The following LANCL2 variants were observed in gnomAD, a reference collection of about 807,000 sequenced individuals.
LANCL2 encodes LanC like glutathione S-transferase 2.
A neutral mutation model predicts 56.9 loss-of-function variants in LANCL2; 33 were observed. That is an observed-to-expected ratio of 0.58 (90% CI 0.44 to 0.78). LANCL2 has a LOEUF of 0.78. Ranked by LOEUF, LANCL2 falls within the 30% of genes least tolerant of loss-of-function variation. The pLI, the probability that LANCL2 is intolerant of heterozygous loss-of-function variation, is 0.00. For synonymous variants in LANCL2, 233 were observed against 228.2 expected (o/e 1.02, Z -0.19); for missense variants, 562 against 580.2 (o/e 0.97, Z 0.32).
rs181838103 is a variant in LANCL2, at chr7:55,373,386, G to C, written c.204+7157G>C. 3.9e-3 allele frequency among the ~76,000 whole-genome samples: 591 copies of C among 151,944 alleles called. 7 individuals are homozygous for C. The highest frequency in any genetic ancestry group is 0.012 in the African/African-American group (515 of 41,418). ...GCTCACTGCAGCCTTGACCTCCCAG[G>C]CTCAAGAGATCCTCCCACCTCAGCC... On this transcript the variant is annotated intron_variant, in intron 1 of 8. Coordinates refer to ENST00000254770, the MANE Select transcript of LANCL2 (RefSeq NM_018697.4).
In LANCL2 at chr7:55,365,966, G is replaced by GCGAGCTGCAGCGCCGGGA; in HGVS notation, c.-58_-41dup. On this transcript the variant is annotated 5_prime_UTR_variant, in exon 1 of 9. Transcript: ENST00000254770. ...GGCCCTCGGAGGAGGCGGCGGCGGG[G>GCGAGCTGCAGCGCCGGGA]CGAGCTGCAGCGCCGGGACAGGAGG... 7.7e-7 allele frequency: 1 copy of GCGAGCTGCAGCGCCGGGA among 1,298,472 alleles called. No individual in the cohort carries two copies. The highest frequency in any genetic ancestry group is 1.0e-6 in the Non-Finnish European group (1 of 990,840). The allele number at this position is 1,298,472 out of a possible 1,614,324, so 80.4% of individuals were successfully genotyped here.
At chr7:55,422,987 G>A (rs1306101691) in intron 6 of LANCL2, among the ~76,000 whole-genome samples, 2 of 152,156 alleles carry the variant, frequency 1.3e-5, no homozygotes, top group Non-Finnish European at 2.9e-5. Flanking sequence ...CAGAGCCCTC[G>A]GGTTTTCCTT....
intron 1 of LANCL2, among the ~76,000 whole-genome samples, chr7:55,390,015 C>T (rs1790167177): frequency 6.6e-6 from 1 of 152,164 alleles, no homozygotes; most frequent in African/African-American, 2.4e-5. Flanking sequence ...CGCTGCAAGC[C>T]TTAGTTCCTA....
intron 5 of LANCL2, among the ~76,000 whole-genome samples, chr7:55,410,256 A>G (rs1424988984): frequency 6.6e-6 from 1 of 152,238 alleles, no homozygotes. Context: ...CCTGTAAGAA[A>G]GTAATTTTAA....
chr7:55,411,965 A>G lies in LANCL2; in HGVS notation c.884A>G (p.Tyr295Cys). Residue 295 changes from tyrosine to cysteine, a missense_variant, in exon 6 of 9, where the codon TAT (tyrosine) becomes TGT (cysteine). Transcript: ENST00000254770. ...GAAATGGTGAAACCCAGTATTGATT[A>G]TGTGCGCCACAAAAAATTCCGATCT... ...LTEMVKPSID[Y>C]VRHKKFRSGN... 6.2e-7 allele frequency: 1 copy of G among 1,614,242 alleles called. No homozygotes were observed. The highest frequency in any genetic ancestry group is 8.5e-7 in the Non-Finnish European group (1 of 1,180,028).
chr7:55,425,561 T>G, intron 7 of LANCL2, 131 bp downstream of exon 7: 1 of 800,320 alleles, frequency 1.2e-6, no homozygotes, highest in Middle Eastern at 3.6e-4. Context: ...CTTTTTCTTC[T>G]GGCACAGCCT....
rs1162975060 is a variant in LANCL2 at position 55,365,950 on chromosome 7, A to T, written c.-76A>T. The T allele has an allele frequency of 2.5e-6, 3 of 1,199,338 alleles. No homozygotes were observed. The highest frequency in any genetic ancestry group is 3.3e-6 in the Non-Finnish European group (3 of 901,004). The allele number at this position is 1,199,338 out of a possible 1,614,324, so 74.3% of individuals were successfully genotyped here. On this transcript the variant is annotated 5_prime_UTR_variant, in exon 1 of 9. Transcript: ENST00000254770. ...GGACGCTCTCTGCGCGGGCCCTCGG[A>T]GGAGGCGGCGGCGGGGCGAGCTGCA... is the stretch of plus-strand genomic sequence containing the variant.
intron 5 of LANCL2, among the ~76,000 whole-genome samples, chr7:55,409,057 A>G (rs1031770344): frequency 6.6e-6 from 1 of 151,648 alleles, no homozygotes; most frequent in African/African-American, 2.4e-5. Flanking sequence ...CAACAGTTTC[A>G]TTGAAGCTAA....
Position 55,400,113 on chromosome 7 carries a change from G to C in LANCL2, c.678+9G>C, listed in dbSNP as rs760173246. The C allele has an allele frequency of 2.3e-5, 37 of 1,578,134 alleles. No individual in the cohort carries two copies. Among genetic ancestry groups the C allele is most frequent in the Non-Finnish European group, 2.7e-5 (31 of 1,156,202 alleles). On this transcript the variant is annotated intron_variant, in intron 4 of 8. Transcript: ENST00000254770. The stretch of plus-strand genomic sequence containing the variant: ...AGTCAGCTATTAAAGAGGTACTATG[G>C]GGTATGGGTAACTATGGGCGTCTCT...
Position 55,433,058 on chromosome 7 carries a change from C to G in LANCL2, c.*1738C>G, listed in dbSNP as rs951119102. ...CCCCACCCACCACATCAAAACATAACACATCACAGCACTCAGTAGAGGTCC... is the reference window on the plus strand; with the variant it reads ...CCCCACCCACCACATCAAAACATAAGACATCACAGCACTCAGTAGAGGTCC... On this transcript the variant is annotated 3_prime_UTR_variant, in exon 9 of 9. Coordinates refer to ENST00000254770, the MANE Select transcript of LANCL2 (RefSeq NM_018697.4). The G allele has an allele frequency of 6.6e-6, 1 of 152,378 alleles. No homozygotes were observed. Among genetic ancestry groups the G allele is most frequent in the South Asian group, 2.1e-4 (1 of 4,828 alleles). The allele number at this position is 152,378 out of a possible 1,614,324, so 9.4% of individuals were successfully genotyped here. A position where few individuals can be genotyped will look rare whatever the true frequency, so the allele number is the denominator to read the frequency against.
intron 1 of LANCL2, among the ~76,000 whole-genome samples, chr7:55,388,336 A>C (rs1329118556): frequency 1.3e-5 from 2 of 152,174 alleles, no homozygotes; most frequent in Non-Finnish European, 2.9e-5. Context: ...ACTTGAGGCC[A>C]TGAGTTTGAG....
chr7:55,425,474 G>A lies in LANCL2; in HGVS notation c.1185+44G>A, dbSNP rs762481575. ...GAACTGCTTCTGAACAACCCCGAGT[G>A]TGCACAGAATCCAGAGTCCAGAAGT... is the stretch of plus-strand genomic sequence containing the variant. On this transcript the variant is annotated intron_variant, in intron 7 of 8. Coordinates refer to ENST00000254770, the MANE Select transcript of LANCL2 (RefSeq NM_018697.4). 9 of 1,575,896 alleles carry A rather than the reference G, an allele frequency of 5.7e-6. No individual in the cohort carries two copies. In the Admixed American group the frequency reaches 1.0e-4, roughly 18 times the overall value.
chr7:55,423,504 G>A (rs1790630827), intron 6 of LANCL2, among the ~76,000 whole-genome samples: 1 of 152,164 alleles, frequency 6.6e-6, no homozygotes, highest in African/African-American at 2.4e-5. Context: ...CCTTAGGATG[G>A]GAAAACATGT....
At chr7:55,396,565 C>T (rs1369163966) in intron 2 of LANCL2, among the ~76,000 whole-genome samples, 2 of 152,250 alleles carry the variant, frequency 1.3e-5, no homozygotes, top group African/African-American at 2.4e-5. Flanking sequence ...TCCAAAGGCA[C>T]AGGCTGGCCA....
intron 1 of LANCL2, among the ~76,000 whole-genome samples, chr7:55,371,764 A>G (rs1053456443): frequency 6.6e-6 from 1 of 152,232 alleles, no homozygotes. Context: ...GCTTCAGTTT[A>G]TAATTATTTA....
At chr7:55,403,513 A>T (rs1322456186) in intron 5 of LANCL2, among the ~76,000 whole-genome samples, 1 of 150,286 alleles carries the variant, frequency 6.7e-6, no homozygotes, top group Non-Finnish European at 1.5e-5. Context: ...TGGAGTCTTA[A>T]AGCAGATTAG....
At chr7:55,402,933 G>C (rs1371247657) in intron 5 of LANCL2, among the ~76,000 whole-genome samples, 43 of 147,490 alleles carry the variant, frequency 2.9e-4, no homozygotes, top group African/African-American at 4.5e-4. Flanking sequence ...CGGCTGGGCA[G>C]AGATGCTCCT....
intron 1 of LANCL2, 132 bp from the exon 2 acceptor site, chr7:55,391,661 A>T (rs1790192301): frequency 3.7e-6 from 2 of 546,422 alleles, no homozygotes; most frequent in East Asian, 6.1e-5. Flanking sequence ...GACTCCAACC[A>T]ATGATGCACT....
chr7:55,421,678 AT>A (rs921442489), intron 6 of LANCL2, among the ~76,000 whole-genome samples: 12 of 150,508 alleles, frequency 8.0e-5, no homozygotes, highest in Admixed American at 2.7e-4. Context: ...CTATTTGCGT[AT>A]TTTTTTTACT....
Sources: allele counts gnomAD v4.1 joint callset (sites outside exome capture counted in the v4.1 genomes callset), GRCh38; gene constraint gnomAD v4.1.1; transcripts MANE v1.5; gene names NCBI Gene and HGNC (gene_info 2026-07-23, HGNC 2026-07-21).